The following SLC35D4 variants were observed in gnomAD, a reference collection of about 807,000 sequenced individuals.
SLC35D4 encodes the protein solute carrier family 35 member D4.
At chr18:23,383,116 G>T in the SLC35D4 span, among the ~76,000 whole-genome samples, 1 of 152,112 alleles carries the variant, frequency 6.6e-6, no homozygotes. Flanking sequence ...CAGATGTCCG[G>T]GGAGAACCAT....
At chr18:23,418,552 G>A in the SLC35D4 span, among the ~76,000 whole-genome samples, 1 of 151,494 alleles carries the variant, frequency 6.6e-6, no homozygotes, top group African/African-American at 2.4e-5. Flanking sequence ...GCTTCACCAT[G>A]TTGGCCAGGC....
At chr18:23,267,992 G>A in the SLC35D4 span, among the ~76,000 whole-genome samples, 4 of 152,314 alleles carry the variant, frequency 2.6e-5, no homozygotes, top group African/African-American at 9.6e-5. Context: ...TAGGTCCTGG[G>A]GGCCTCATTT....
chr18:23,302,891 A>G, the SLC35D4 span, among the ~76,000 whole-genome samples: 1 of 152,246 alleles, frequency 6.6e-6, no homozygotes, highest in Non-Finnish European at 1.5e-5. Flanking sequence ...CAGCTGCTCC[A>G]CATTTTCAAA....
At chr18:23,306,740 CT>C in the SLC35D4 span, among the ~76,000 whole-genome samples, 1 of 152,198 alleles carries the variant, frequency 6.6e-6, no homozygotes, top group African/African-American at 2.4e-5. Flanking sequence ...TTTTATAGTG[CT>C]ATTCCATGGG....
the SLC35D4 span, among the ~76,000 whole-genome samples, chr18:23,436,323 CG>C: frequency 1 from 152,258 of 152,258 alleles, 76,129 homozygotes; most frequent in Non-Finnish European, 1. Context: ...CCACCACGCC[CG>C]GGCCACAACA....
At chr18:23,351,807 G>A in the SLC35D4 span, among the ~76,000 whole-genome samples, 1 of 152,182 alleles carries the variant, frequency 6.6e-6, no homozygotes, top group Non-Finnish European at 1.5e-5. Flanking sequence ...CGGATACACA[G>A]AGGTTGTTCT....
At chr18:23,407,654 G>T in the SLC35D4 span, among the ~76,000 whole-genome samples, 2 of 151,732 alleles carry the variant, frequency 1.3e-5, no homozygotes, top group African/African-American at 4.8e-5. Flanking sequence ...AATAATAAAG[G>T]AACTTTAAAT....
At chr18:23,307,082 C>T in the SLC35D4 span, among the ~76,000 whole-genome samples, 1 of 152,200 alleles carries the variant, frequency 6.6e-6, no homozygotes, top group Non-Finnish European at 1.5e-5. Flanking sequence ...GAACAGAGTC[C>T]ACCTCCGTTG....
chr18:23,303,309 T>A, the SLC35D4 span, among the ~76,000 whole-genome samples: 1 of 152,224 alleles, frequency 6.6e-6, no homozygotes, highest in Non-Finnish European at 1.5e-5. Context: ...AATTCCAAAG[T>A]CAAGGTTCCT....
At chr18:23,268,822 G>A in the SLC35D4 span, among the ~76,000 whole-genome samples, 2 of 151,600 alleles carry the variant, frequency 1.3e-5, no homozygotes, top group African/African-American at 4.9e-5. Context: ...GTGTGTGTGT[G>A]TGTATACATA....
chr18:23,420,581 G>A, the SLC35D4 span, among the ~76,000 whole-genome samples: 1 of 151,886 alleles, frequency 6.6e-6, no homozygotes, highest in Non-Finnish European at 1.5e-5. Flanking sequence ...TCCCTATGTT[G>A]TCCAGGCTGG....
At chr18:23,259,888 G>A in the SLC35D4 span, 3 of 152,404 alleles carry the variant, frequency 2.0e-5, no homozygotes, top group African/African-American at 7.2e-5. Context: ...CTGCCCTGAG[G>A]CCTCTCCAGT....
the SLC35D4 span, among the ~76,000 whole-genome samples, chr18:23,353,102 T>TGTGTGTGTGTGTGTGG: frequency 6.6e-6 from 1 of 151,428 alleles, no homozygotes; most frequent in Non-Finnish European, 1.5e-5. Flanking sequence ...TGTGTGTGTG[T>TGTGTGTGTGTGTGTGG]GTGTGTGTGT....
chr18:23,257,059 G>A, the SLC35D4 span: 13 of 698,556 alleles, frequency 1.9e-5, no homozygotes, highest in South Asian at 1.2e-4. Flanking sequence ...AACCAGGACC[G>A]AAGGCAGGAA....
At chr18:23,248,227 G>T in the SLC35D4 span, among the ~76,000 whole-genome samples, 2 of 152,196 alleles carry the variant, frequency 1.3e-5, no homozygotes, top group Non-Finnish European at 2.9e-5. Flanking sequence ...CAACGGATCG[G>T]ATATCGTCAG....
At chr18:23,414,004 C>T in the SLC35D4 span, among the ~76,000 whole-genome samples, 4 of 149,420 alleles carry the variant, frequency 2.7e-5, no homozygotes, top group Non-Finnish European at 5.9e-5. Context: ...CGCCTGTAAT[C>T]CCAGCACTTT....
the SLC35D4 span, among the ~76,000 whole-genome samples, chr18:23,261,329 T>C: frequency 6.6e-6 from 1 of 152,052 alleles, no homozygotes; most frequent in African/African-American, 2.4e-5. Context: ...ACCATGTCTC[T>C]ATTTTGTTTT....
the SLC35D4 span, among the ~76,000 whole-genome samples, chr18:23,371,105 C>CT: frequency 0.013 from 1,048 of 82,904 alleles, 9 homozygotes; most frequent in African/African-American, 0.03. Context: ...CTCTCTCTTT[C>CT]TTTTTTTTTG....
the SLC35D4 span, among the ~76,000 whole-genome samples, chr18:23,329,966 A>C: frequency 0.77 from 117,358 of 152,058 alleles, 45,729 homozygotes; most frequent in Middle Eastern, 0.88. Flanking sequence ...AACCAAACAC[A>C]ACATGTTTTC....
Sources: gnomAD v4.1 joint callset for allele counts (sites outside exome capture counted in the v4.1 genomes callset) on GRCh38, gnomAD v4.1.1 for gene constraint, MANE v1.5 for transcripts, NCBI Gene and HGNC (gene_info 2026-07-23, HGNC 2026-07-21) for gene names.